GOLGB1: variants seen among roughly 807,000 people sequenced by gnomAD.
The protein encoded by GOLGB1 is golgin subfamily B member 1.
A neutral mutation model predicts 336.9 loss-of-function variants in GOLGB1; 174 were observed. The observed-to-expected ratio is 0.52, with a 90% confidence interval of 0.46 to 0.59. GOLGB1 has a LOEUF of 0.59. Ranked by LOEUF, GOLGB1 falls within the 20% of genes least tolerant of loss-of-function variation. The pLI is 0.00. For synonymous variants in GOLGB1, 1,208 were observed against 1,289.2 expected, an observed-to-expected ratio of 0.94 and a Z score of 1.35; for missense variants, 3,331 against 3,645.3, an observed-to-expected ratio of 0.91 and a Z score of 2.22.
chr3:121,711,931 ATC>A (rs1944393691), intron 10 of GOLGB1, among the ~76,000 whole-genome samples: 1 of 152,124 alleles, frequency 6.6e-6, no homozygotes, highest in East Asian at 1.9e-4. Context: ...TCAAAATCTC[ATC>A]TGTCTTTTTT....
At chr3:121,715,233 T>C (rs1944665565) in intron 9 of GOLGB1, among the ~76,000 whole-genome samples, 1 of 149,782 alleles carries the variant, frequency 6.7e-6, no homozygotes, top group Non-Finnish European at 1.5e-5. Context: ...ATACGGAGTC[T>C]CCCTCTGTTG....
intron 1 of GOLGB1, among the ~76,000 whole-genome samples, chr3:121,736,259 T>C (rs1219122375): frequency 6.6e-6 from 1 of 152,220 alleles, no homozygotes; most frequent in South Asian, 2.1e-4. Context: ...ACCTAGTGAC[T>C]CACTTCCAAA....
At chr3:121,684,091 G>A (rs1160530195) in intron 14 of GOLGB1, among the ~76,000 whole-genome samples, 3 of 125,772 alleles carry the variant, frequency 2.4e-5, no homozygotes, top group African/African-American at 9.3e-5. Context: ...TCATGCCATT[G>A]CACTCCAGCC....
At chr3:121,728,854 C>A (rs1161962077) in intron 4 of GOLGB1, among the ~76,000 whole-genome samples, 2 of 152,132 alleles carry the variant, frequency 1.3e-5, no homozygotes, top group Non-Finnish European at 2.9e-5. Context: ...CTAGTTTAAT[C>A]TTCTAATCAA....
intron 4 of GOLGB1, 35 bp from the exon 5 acceptor site, chr3:121,727,076 G>GA (rs1382242916): frequency 1.6e-6 from 2 of 1,257,040 alleles, no homozygotes; most frequent in Non-Finnish European, 2.2e-6. Flanking sequence ...TTATTTAAAA[G>GA]AATTACAATT....
chr3:121,746,504 C>T (rs977572965), intron 1 of GOLGB1, among the ~76,000 whole-genome samples: 1 of 151,834 alleles, frequency 6.6e-6, no homozygotes, highest in African/African-American at 2.4e-5. Flanking sequence ...TATTTTGAGA[C>T]GGAGTTTCAC....
intron 17 of GOLGB1, among the ~76,000 whole-genome samples, chr3:121,673,686 GCTATCTATCTAT>G (rs59292082): frequency 1.1e-3 from 153 of 145,562 alleles, no homozygotes; most frequent in Middle Eastern, 3.6e-3. Flanking sequence ...AAATGGGATT[GCTATCTATCTAT>G]CTATCTATCT....
At chr3:121,729,659 C>T (rs888102997) in intron 3 of GOLGB1, among the ~76,000 whole-genome samples, 4 of 152,030 alleles carry the variant, frequency 2.6e-5, no homozygotes, top group Non-Finnish European at 5.9e-5. Flanking sequence ...TCAAGAAATC[C>T]TCCCATCTCA....
intron 3 of GOLGB1, 52 bp downstream of exon 3, chr3:121,729,813 A>G: frequency 7.4e-7 from 1 of 1,350,372 alleles, no homozygotes; most frequent in Non-Finnish European, 1.0e-6. Context: ...TGAGTAGTGT[A>G]TCATCTGTCC....
At chr3:121,747,396 C>CATATATACGTATATATATGTAT (rs1560353190) in intron 1 of GOLGB1, among the ~76,000 whole-genome samples, 2 of 139,756 alleles carry the variant, frequency 1.4e-5, no homozygotes, top group Admixed American at 1.4e-4. Flanking sequence ...TATATATATA[C>CATATATACGTATATATATGTAT]ATATATACGT....
rs747498561 is a variant in GOLGB1, at chr3:121,730,026, T to G, written c.97-9A>C. ...GATTCTTGGTGTAATTCCTAATATT[T>G]AGGAAAAAAGTTGCCAGTGCACCAG... On this transcript the variant is annotated splice_polypyrimidine_tract_variant and intron_variant, in intron 2 of 21. Transcript: ENST00000614479. The G allele has an allele frequency of 2.5e-6, 4 of 1,600,250 alleles. No individual in the cohort carries two copies. In the East Asian group the frequency reaches 8.9e-5, roughly 36 times the overall value.
At chr3:121,700,919 T>C (rs1032462804) in intron 11 of GOLGB1, among the ~76,000 whole-genome samples, 1 of 152,154 alleles carries the variant, frequency 6.6e-6, no homozygotes, top group Non-Finnish European at 1.5e-5. Context: ...GAAATTTTCT[T>C]ATGTGTATAA....
At chr3:121,725,889 G>A (rs372344259) in intron 5 of GOLGB1, among the ~76,000 whole-genome samples, 1 of 152,100 alleles carries the variant, frequency 6.6e-6, no homozygotes, top group South Asian at 2.1e-4. Flanking sequence ...GCGCTGCCTT[G>A]CGACACCACT....
At chr3:121,744,299 C>T (rs1013651238) in intron 1 of GOLGB1, among the ~76,000 whole-genome samples, 3 of 151,772 alleles carry the variant, frequency 2.0e-5, no homozygotes, top group Non-Finnish European at 4.4e-5. Context: ...TTCAAGGTCC[C>T]TCAGTTAAAT....
rs964529245 is a variant in GOLGB1 at position 121,716,926 on chromosome 3, G to A, written c.1099C>T (p.Arg367Trp). The change falls in exon 9 of 22, where the codon CGG becomes TGG. Residue 367 changes from arginine (R) to tryptophan (W), a missense_variant. By Grantham distance (101) the Arg-to-Trp change is moderately radical. Coordinates refer to ENST00000614479, the MANE Select transcript of GOLGB1 (RefSeq NM_001366282.2). ...AGQAQAELES[R>W]YSALEQKHKA... ...TGCTTCTGCTCCAAAGCACTATACC[G>A]AGACTCTAGTTCAGCCTGGGCTTGG... 5.6e-6 allele frequency: 9 copies of A among 1,613,542 alleles called. No individual in the cohort carries two copies. The highest frequency in any genetic ancestry group is 2.7e-5 in the African/African-American group (2 of 74,830).
chr3:121,729,503 TC>T (rs771751357), intron 3 of GOLGB1, among the ~76,000 whole-genome samples, 163 bp from the exon 4 acceptor site: 2 of 152,108 alleles, frequency 1.3e-5, no homozygotes, highest in Non-Finnish European at 2.9e-5. Context: ...AGCCTCTAAC[TC>T]CCAGGCTCAA....
intron 9 of GOLGB1, among the ~76,000 whole-genome samples, chr3:121,716,037 T>G (rs1944746294): frequency 6.6e-6 from 1 of 151,992 alleles, no homozygotes; most frequent in African/African-American, 2.4e-5. Context: ...TAACATTCAG[T>G]TATTCAATAC....
In GOLGB1 at chr3:121,692,119, A is replaced by C; in HGVS notation, c.7245T>G (p.Ile2415Met). The C allele has an allele frequency of 6.2e-7, 1 of 1,613,364 alleles. No individual in the cohort carries two copies. The highest frequency in any genetic ancestry group is 8.5e-7 in the Non-Finnish European group (1 of 1,179,716). The stretch of plus-strand genomic sequence containing the variant: ...GGGACAGCAGGTTTTCCAGCTCTTT[A>C]ATTTCTTTATCATGTTGCTGACGCA... ...AELRQQHDKE[I>M]KELENLLSQE... is the part of the protein sequence containing the mutation. The change falls in exon 14 of 22, where the codon ATT becomes ATG. Residue 2415 changes from isoleucine to methionine, a missense_variant. Ile to Met is a conservative substitution (Grantham distance 10, BLOSUM62 1). Transcript: ENST00000614479.
At chr3:121,679,777 C>T (rs541860240) in intron 15 of GOLGB1, among the ~76,000 whole-genome samples, 1 of 152,228 alleles carries the variant, frequency 6.6e-6, no homozygotes, top group African/African-American at 2.4e-5. Flanking sequence ...TAAGAAGGTG[C>T]CTCTCTCCGA....
Sources: allele counts gnomAD v4.1 joint callset (sites outside exome capture counted in the v4.1 genomes callset), GRCh38; gene constraint gnomAD v4.1.1; transcripts MANE v1.5; gene names NCBI Gene and HGNC (gene_info 2026-07-23, HGNC 2026-07-21).